IFT140: variants seen among roughly 807,000 people sequenced by gnomAD.
IFT140 encodes the protein intraflagellar transport 140.
In IFT140, 133 loss-of-function variants were observed where a neutral mutation model predicts 164.6. The ratio of observed to expected loss-of-function variants is 0.81; its 90% CI spans 0.70 to 0.93. The LOEUF (loss-of-function observed/expected upper bound fraction) is 0.93. IFT140 is among the 40% of genes least tolerant of loss of function. The probability of loss-of-function intolerance (pLI) is 0.00; values close to 1 mark genes in which losing one functional copy is unlikely to be tolerated. For synonymous variants in IFT140, 860 were observed against 817.3 expected, an observed-to-expected ratio of 1.05 and a Z score of -0.89; for missense variants, 2,045 against 1,972.3, an observed-to-expected ratio of 1.04 and a Z score of -0.70.
intron 19 of IFT140, chr16:1,542,126 T>C (rs1261678623): frequency 6.6e-7 from 1 of 1,511,908 alleles, no homozygotes. Flanking sequence ...CCTGTGGCCT[T>C]CTGGTGCCAC....
intron 2 of IFT140, chr16:1,610,315 G>GT (rs2036271747): frequency 6.5e-6 from 1 of 154,920 alleles, no homozygotes; most frequent in Non-Finnish European, 1.5e-5. Context: ...AACATAGCAT[G>GT]TTTTTGTTTT....
At chr16:1,580,884 G>A in intron 12 of IFT140, 34 bp from the exon 13 acceptor site, 13 of 1,445,558 alleles carry the variant, frequency 9.0e-6, no homozygotes, top group South Asian at 3.4e-5. Flanking sequence ...GATGGCGGCC[G>A]CTCATCCGCC....
chr16:1,546,485 C>T (rs190513996), intron 19 of IFT140, among the ~76,000 whole-genome samples: 15 of 152,328 alleles, frequency 9.8e-5, no homozygotes, highest in Admixed American at 2.6e-4. Context: ...ACCACTCCAG[C>T]GCACAGATGT....
chr16:1,527,439 C>T (rs1163460015), intron 19 of IFT140, among the ~76,000 whole-genome samples: 1 of 152,192 alleles, frequency 6.6e-6, no homozygotes, highest in Admixed American at 6.5e-5. Context: ...TCACGGGGGA[C>T]AGCACCTTCC....
intron 19 of IFT140, among the ~76,000 whole-genome samples, chr16:1,546,596 C>T (rs1000438764): frequency 6.6e-6 from 1 of 152,222 alleles, no homozygotes; most frequent in Non-Finnish European, 1.5e-5. Context: ...GCGCATCCCA[C>T]GTGCTCCCTG....
chr16:1,591,429 C>T (rs1057080930), intron 6 of IFT140, among the ~76,000 whole-genome samples: 4 of 152,182 alleles, frequency 2.6e-5, no homozygotes, highest in African/African-American at 9.7e-5. Context: ...CACACAGCCC[C>T]GTCTGCTCTC....
intron 19 of IFT140, among the ~76,000 whole-genome samples, chr16:1,534,930 C>T (rs957186821): frequency 2.0e-4 from 30 of 152,008 alleles, no homozygotes; most frequent in African/African-American, 7.0e-4. Context: ...TACGGCTGGG[C>T]GCAGTGGTTC....
At chr16:1,592,113 A>C in intron 6 of IFT140, 63 bp downstream of exon 6, 2 of 1,573,272 alleles carry the variant, frequency 1.3e-6, no homozygotes, top group South Asian at 1.1e-5. Flanking sequence ...TGTGAGTTTA[A>C]AATCCCTACC....
rs573203792 is a variant in IFT140 at position 1,606,993 on chromosome 16, GATGC to G, written c.147+123_147+126del. 3,765 of 876,856 alleles carry G rather than the reference GATGC, an allele frequency of 4.3e-3. 18 individuals carry two copies. Among genetic ancestry groups the G allele is most frequent in the Non-Finnish European group, 6.3e-3 (3,441 of 546,312 alleles). The allele number at this position is 876,856 out of a possible 1,614,324, so 54.3% of individuals were successfully genotyped here. On this transcript the variant is annotated intron_variant, in intron 3 of 30. Transcript: ENST00000426508. Reference sequence around the variant, plus strand: ...ACCAATACACATACACGCACACACAGATGCATGTATACACACACACACCCATAGG... The same window carrying G: ...ACCAATACACATACACGCACACACAGATGTATACACACACACACCCATAGG...
chr16:1,546,287 G>T (rs2032165255), intron 19 of IFT140, among the ~76,000 whole-genome samples: 1 of 152,220 alleles, frequency 6.6e-6, no homozygotes, highest in South Asian at 2.1e-4. Context: ...AGGCCGGGAG[G>T]CTCCCTGGCA....
intron 22 of IFT140, 92 bp from the exon 23 acceptor site, chr16:1,525,008 C>T: frequency 6.7e-7 from 1 of 1,489,052 alleles, no homozygotes; most frequent in East Asian, 2.3e-5. Flanking sequence ...CCTTAGAGTG[C>T]ATGTCACCTG....
intron 4 of IFT140, among the ~76,000 whole-genome samples, chr16:1,600,216 G>A (rs1457277586): frequency 2.1e-5 from 3 of 145,430 alleles, no homozygotes. Flanking sequence ...ATTAAGGGCG[G>A]TGCAAGATGT....
At chr16:1,588,385 CATT>C in intron 7 of IFT140, among the ~76,000 whole-genome samples, 2 of 152,112 alleles carry the variant, frequency 1.3e-5, no homozygotes, top group South Asian at 4.2e-4. Flanking sequence ...ATTAGCCGGG[CATT>C]GTGGCAGGCG....
intron 13 of IFT140, among the ~76,000 whole-genome samples, chr16:1,572,621 G>C (rs2034081220): frequency 1.3e-5 from 2 of 152,210 alleles, no homozygotes; most frequent in South Asian, 2.1e-4. Context: ...ACTCCAGCCT[G>C]GGCGACAGAG....
At chr16:1,562,429 T>C (rs2033465972) in intron 17 of IFT140, among the ~76,000 whole-genome samples, 1 of 152,078 alleles carries the variant, frequency 6.6e-6, no homozygotes, top group African/African-American at 2.4e-5. Flanking sequence ...CAAAAGAGCT[T>C]TCATGGTTTA....
chr16:1,529,009 G>C (rs540277803), intron 19 of IFT140, among the ~76,000 whole-genome samples: 1 of 152,154 alleles, frequency 6.6e-6, no homozygotes, highest in Non-Finnish European at 1.5e-5. Context: ...GGCAGGCTCG[G>C]TGCACTTGTG....
chr16:1,596,367 CT>C (rs1321325243), intron 4 of IFT140, among the ~76,000 whole-genome samples: 2 of 152,130 alleles, frequency 1.3e-5, no homozygotes, highest in Non-Finnish European at 2.9e-5. Flanking sequence ...GCACAAGTGA[CT>C]TTAGAAATCT....
chr16:1,604,197 C>T (rs1051265711), intron 3 of IFT140, among the ~76,000 whole-genome samples: 11 of 151,966 alleles, frequency 7.2e-5, no homozygotes, highest in African/African-American at 2.2e-4. Context: ...GCACGGCCTT[C>T]GCAAAGCTGC....
intron 19 of IFT140, chr16:1,534,576 G>A (rs1192925118): frequency 6.3e-7 from 1 of 1,599,866 alleles, no homozygotes; most frequent in East Asian, 2.2e-5. Flanking sequence ...TTGTTTTCCT[G>A]ATGCCTTCAG....
Sources: gnomAD v4.1 joint callset for allele counts (sites outside exome capture counted in the v4.1 genomes callset) on GRCh38, gnomAD v4.1.1 for gene constraint, MANE v1.5 for transcripts, NCBI Gene and HGNC (gene_info 2026-07-23, HGNC 2026-07-21) for gene names.